LCA5L: variants seen among roughly 807,000 people sequenced by gnomAD.
LCA5L encodes the protein lebercilin-like protein.
Under a neutral mutation model 45.4 loss-of-function variants are expected in LCA5L, and 35 were observed. The ratio of observed to expected loss-of-function variants is 0.77; its 90% CI spans 0.59 to 1.02. The LOEUF is 1.02. LCA5L is among the 50% of genes least tolerant of loss of function. The pLI, the probability that LCA5L is intolerant of heterozygous loss-of-function variation, is 0.00. For missense variants in LCA5L, 668 were observed against 761.6 expected (o/e 0.88, Z 1.45); for synonymous variants, 233 against 264.7 (o/e 0.88, Z 1.16).
chr21:39,422,891 C>G, intron 6 of LCA5L, 85 bp downstream of exon 6: 2 of 1,231,232 alleles, frequency 1.6e-6, no homozygotes. Context: ...TGCTTTGTTA[C>G]AGAGGGGGCG....
rs767357715 is a variant in LCA5L at position 39,420,857 on chromosome 21, ATATT to A, written c.838-18_838-15del. 1.5e-4 allele frequency: 239 copies of A among 1,588,060 alleles called. 1 individual carries two copies. Among genetic ancestry groups the A allele is most frequent in the Middle Eastern group, 3.3e-4 (2 of 5,984 alleles). ...TTTTTCCAAGCTCTGAAAACAGTATATATTATAACTATTCTGCAACCAAGTTAGT... is the reference window on the plus strand; with the variant it reads ...TTTTTCCAAGCTCTGAAAACAGTATAATAACTATTCTGCAACCAAGTTAGT... On this transcript the variant is annotated splice_polypyrimidine_tract_variant and intron_variant, in intron 6 of 10. Transcript: ENST00000288350.
intron 6 of LCA5L, 42 bp from the exon 7 acceptor site, chr21:39,420,885 G>A (rs367556328): frequency 1.3e-6 from 2 of 1,525,562 alleles, no homozygotes; most frequent in African/African-American, 2.8e-5. Flanking sequence ...AACCAAGTTA[G>A]TATGTTAAAA....
intron 5 of LCA5L, among the ~76,000 whole-genome samples, chr21:39,427,205 A>T (rs139470819): frequency 1.6e-3 from 245 of 152,340 alleles, no homozygotes; most frequent in African/African-American, 5.7e-3. Flanking sequence ...CATGGACAAG[A>T]GCCCCAGCTG....
chr21:39,428,439 C>T lies in LCA5L; in HGVS notation c.55G>A (p.Ala19Thr), dbSNP rs1356611899. The change falls in exon 5 of 11, where the codon GCA (alanine) becomes ACA (threonine). Residue 19 changes from alanine to threonine, a missense_variant. Ala to Thr is a moderately conservative substitution (Grantham distance 58). Transcript: ENST00000288350. ...TNIDEHFFGV[A>T]LENNRRSAAC... ...GCAGACCTCCTATTGTTTTCTAATGCCACGCCGAAGAAATGCTCATCTATA... is the reference window on the plus strand; with the variant it reads ...GCAGACCTCCTATTGTTTTCTAATGTCACGCCGAAGAAATGCTCATCTATA... 2.7e-5 allele frequency: 44 copies of T among 1,611,320 alleles called. No individual in the cohort carries two copies. Among genetic ancestry groups the T allele is most frequent in the Non-Finnish European group, 3.6e-5 (42 of 1,179,264 alleles).
rs2075150069 is a variant in LCA5L at position 39,428,508 on chromosome 21, TA to T, written c.-10-6del. 2 of 1,465,014 alleles carry T rather than the reference TA, an allele frequency of 1.4e-6. No individual in the cohort carries two copies. The highest frequency in any genetic ancestry group is 1.5e-5 in the African/African-American group (1 of 67,874). 90.8% of individuals were successfully genotyped at this position (1,465,014 alleles called of 1,614,324 possible). ...GCCAAAGACATAGCAAACAACCTAA[TA>T]AAAGAAAAGTAAAACCTAATAAAAG... On this transcript the variant is annotated splice_polypyrimidine_tract_variant and splice_region_variant and intron_variant, in intron 4 of 10. Coordinates refer to ENST00000288350, the MANE Select transcript of LCA5L (RefSeq NM_152505.4).
intron 2 of LCA5L, chr21:39,436,250 G>C (rs990784078): frequency 6.6e-6 from 1 of 152,200 alleles, no homozygotes; most frequent in East Asian, 1.9e-4. Context: ...AGCAGAGACA[G>C]TGACTGATTT....
intron 5 of LCA5L, among the ~76,000 whole-genome samples, chr21:39,425,458 A>AT (rs750738236): frequency 6.6e-5 from 10 of 152,184 alleles, no homozygotes; most frequent in Non-Finnish European, 1.2e-4. Context: ...AAGTGTATTT[A>AT]TTTTCCCATG....
chr21:39,405,800 C>T lies in LCA5L; in HGVS notation c.*82G>A. The T allele has an allele frequency of 1.8e-6, 2 of 1,088,140 alleles. No individual in the cohort carries two copies. Among genetic ancestry groups the T allele is most frequent in the Middle Eastern group, 3.1e-4 (1 of 3,256 alleles). The allele number at this position is 1,088,140 out of a possible 1,614,324, so 67.4% of individuals were successfully genotyped here. ...AAACACACACATACATACACTCCCT[C>T]TCTCACACATTTCAAAAATAAGATG... On this transcript the variant is annotated 3_prime_UTR_variant, in exon 11 of 11. Transcript: ENST00000288350.
rs745774892 is a variant in LCA5L at position 39,428,350 on chromosome 21, ACT to A, written c.142_143del (p.Ser48CysfsTer2). The A allele has an allele frequency of 7.4e-6, 12 of 1,612,142 alleles. No homozygotes were observed. The highest frequency in any genetic ancestry group is 1.0e-5 in the Non-Finnish European group (12 of 1,179,520). ...AGCACTGAGATCTGCTATAATCAACACTCTTATTGGAAGCATTACTGTTCCGT... is the reference window on the plus strand; with the variant it reads ...AGCACTGAGATCTGCTATAATCAACACTTATTGGAAGCATTACTGTTCCGT... Reference protein sequence around the residue: ...FSRNSNASNKSVDYSRSQCSC... With the variant: ...FSRNSNASNKXVDYSRSQCSC... On this transcript the variant is annotated frameshift_variant, in exon 5 of 11. Transcript: ENST00000288350. LOFTEE classifies it high-confidence loss of function.
Position 39,428,367 on chromosome 21 carries a change from T to G in LCA5L, c.127A>C (p.Asn43His). Residue 43 changes from asparagine (N) to histidine (H), a missense_variant, in exon 5 of 11, where the codon AAT (asparagine) becomes CAT (histidine). Transcript: ENST00000288350. ...TAATCAACACTCTTATTGGAAGCAT[T>G]ACTGTTCCGTGAAAAATCGCCTGTG... ...PGTGDFSRNS[N>H]ASNKSVDYSR... 1 of 1,613,630 alleles carries G rather than the reference T, an allele frequency of 6.2e-7. No individual in the cohort carries two copies. The highest frequency in any genetic ancestry group is 8.5e-7 in the Non-Finnish European group (1 of 1,179,904).
chr21:39,413,268 C>T (rs561873311), intron 7 of LCA5L, among the ~76,000 whole-genome samples: 1 of 152,194 alleles, frequency 6.6e-6, no homozygotes, highest in East Asian at 1.9e-4. Context: ...TTCTCTCATG[C>T]CCAGGATGCC....
intron 2 of LCA5L, among the ~76,000 whole-genome samples, chr21:39,440,636 G>A (rs2076744523): frequency 6.6e-6 from 1 of 152,208 alleles, no homozygotes; most frequent in African/African-American, 2.4e-5. Flanking sequence ...GAGAAAACTG[G>A]CAGATTTGTG....
At chr21:39,431,980 G>C (rs2075782347) in intron 3 of LCA5L, among the ~76,000 whole-genome samples, 1 of 152,122 alleles carries the variant, frequency 6.6e-6, no homozygotes. Context: ...TGTGTTCACC[G>C]ATTTGTCTTA....
rs574959696 is a variant in LCA5L at position 39,432,605 on chromosome 21, A to G, written c.-92+2815T>C. Among the ~76,000 whole-genome samples the G allele has an allele frequency of 8.5e-5, 13 of 152,324 alleles. No homozygotes were observed. The South Asian group carries it at 2.3e-3, about 27-fold the overall frequency. Reference sequence around the variant, plus strand: ...ATGAAACTATCACCACAATCAAGACAGTGAACACAACCACATAATCTCCCA... The same window carrying G: ...ATGAAACTATCACCACAATCAAGACGGTGAACACAACCACATAATCTCCCA... On this transcript the variant is annotated intron_variant, in intron 3 of 10. Coordinates refer to ENST00000288350, the MANE Select transcript of LCA5L (RefSeq NM_152505.4).
At chr21:39,420,143 A>G (rs1040305799) in intron 7 of LCA5L, among the ~76,000 whole-genome samples, 1 of 152,218 alleles carries the variant, frequency 6.6e-6, no homozygotes, top group Non-Finnish European at 1.5e-5. Context: ...ACATTCGCCA[A>G]GCTGTTAACT....
Position 39,406,263 on chromosome 21 carries a change from G to C in LCA5L, c.1632C>G (p.Ala544=). 6.2e-7 allele frequency: 1 copy of C among 1,614,174 alleles called. No homozygotes were observed. The highest frequency in any genetic ancestry group is 8.5e-7 in the Non-Finnish European group (1 of 1,180,040). The change falls in exon 11 of 11, where the codon GCC becomes GCG. Residue 544 remains alanine, a synonymous_variant. Coordinates refer to ENST00000288350, the MANE Select transcript of LCA5L (RefSeq NM_152505.4). ...HHGLPASGGP[A]NAGNMRYSHS... The stretch of plus-strand genomic sequence containing the variant: ...GACTGTACCTCATGTTGCCGGCATT[G>C]GCTGGCCCCCCTGAAGCAGGAAGCC...
chr21:39,410,164 C>T (rs1049762077), intron 9 of LCA5L, 68 bp from the exon 10 acceptor site: 1 of 1,274,176 alleles, frequency 7.8e-7, no homozygotes, highest in Non-Finnish European at 1.1e-6. Flanking sequence ...GCATTTTATT[C>T]TAATGACTAC....
In LCA5L at chr21:39,406,139, C is replaced by T. The variant is rs200757955; in HGVS notation, c.1756G>A (p.Val586Met). ...PSFGKSSRIK[V>M]KDTTFRDKKS... ...TTATCTCTGAAAGTTGTATCCTTCA[C>T]TTTTATTCTGGAAGACTTACCAAAT... The change falls in exon 11 of 11, where the codon GTG (valine) becomes ATG (methionine). Residue 586 changes from valine (V) to methionine (M), a missense_variant. Val to Met is a conservative substitution (Grantham distance 21). Transcript: ENST00000288350. 1.9e-6 allele frequency: 3 copies of T among 1,614,250 alleles called. No individual in the cohort carries two copies. The highest frequency in any genetic ancestry group is 2.5e-6 in the Non-Finnish European group (3 of 1,180,046).
At chr21:39,434,036 A>G (rs566955053) in intron 3 of LCA5L, among the ~76,000 whole-genome samples, 1 of 151,706 alleles carries the variant, frequency 6.6e-6, no homozygotes, top group African/African-American at 2.4e-5. Flanking sequence ...TATACTCATC[A>G]AAGAGACAGG....
Sources: gnomAD v4.1 joint callset for allele counts (sites outside exome capture counted in the v4.1 genomes callset) on GRCh38, gnomAD v4.1.1 for gene constraint, MANE v1.5 for transcripts, NCBI Gene and HGNC (gene_info 2026-07-23, HGNC 2026-07-21) for gene names.